The following ZNF678 variants were observed in gnomAD, a reference collection of about 807,000 sequenced individuals.
ZNF678 encodes the protein zinc finger protein 678.
Under a neutral mutation model 3.0 loss-of-function variants are expected in ZNF678, and 5 were observed. The observed-to-expected ratio is 1.69, with a 90% CI of 0.88 to 3.56. The LOEUF is 3.56. Ranked by LOEUF, ZNF678 falls within the 30% of genes most tolerant of loss-of-function variation. ZNF678 has a pLI of 0.00. For synonymous variants in ZNF678, 218 were observed against 199.6 expected (o/e 1.09, Z -0.78); for missense variants, 593 against 605.0 (o/e 0.98, Z 0.21).
At chr1:227,667,170 A>G (rs1004733391), downstream of ZNF678, among the ~76,000 whole-genome samples, 41 of 151,774 alleles carry the variant, frequency 2.7e-4, no homozygotes, top group African/African-American at 9.7e-4. Context: ...CAGCCCCCCA[A>G]GTAGCTGGGA....
chr1:227,665,717 T>C (rs1321246856), downstream of ZNF678, among the ~76,000 whole-genome samples: 2 of 152,254 alleles, frequency 1.3e-5, no homozygotes, highest in Non-Finnish European at 2.9e-5. Flanking sequence ...ATTTTGTGTA[T>C]GTAAAGCTAT....
rs1658739152 is a variant in ZNF678 at position 227,638,586 on chromosome 1, G to A, written c.-163-7958G>A. ...GGGTTGACTACAGATGGGGGATAAG[G>A]AAAAGTTGCATGTTTTAAGGTGGGA... On this transcript the variant is annotated intron_variant, in intron 1 of 3. Transcript: ENST00000343776. The surrounding 1 kb of genome is among the most constrained non-coding windows in gnomAD (Gnocchi z 4.2). 6.6e-6 allele frequency among the ~76,000 whole-genome samples: 1 copy of A among 152,138 alleles called. No homozygotes were observed. Among genetic ancestry groups the A allele is most frequent in the Admixed American group, 6.5e-5 (1 of 15,278 alleles).
intron 3 of ZNF678, among the ~76,000 whole-genome samples, chr1:227,653,646 A>G (rs999032533): frequency 3.9e-5 from 6 of 151,960 alleles, no homozygotes; most frequent in Admixed American, 3.3e-4. Context: ...CAGGCTGGAG[A>G]TTCTTATAGC....
At chr1:227,578,204 A>G (rs1657035022) in intron 1 of ZNF678, among the ~76,000 whole-genome samples, 1 of 152,134 alleles carries the variant, frequency 6.6e-6, no homozygotes, top group Non-Finnish European at 1.5e-5. Flanking sequence ...GAATCTGATG[A>G]TTATATGTCT....
intron 1 of ZNF678, among the ~76,000 whole-genome samples, chr1:227,629,375 C>A (rs1658497085): frequency 6.6e-6 from 1 of 152,240 alleles, no homozygotes; most frequent in Admixed American, 6.5e-5. Flanking sequence ...ATGGCCCCTG[C>A]TTTTGCTAGA....
chr1:227,565,003 G>A (rs1226084749), intron 1 of ZNF678, among the ~76,000 whole-genome samples: 5 of 150,600 alleles, frequency 3.3e-5, no homozygotes, highest in Non-Finnish European at 5.9e-5. Flanking sequence ...AAAGTGCTGG[G>A]ATTACAGGCG....
chr1:227,645,195 G>A (rs557990669), intron 1 of ZNF678, among the ~76,000 whole-genome samples: 17 of 152,238 alleles, frequency 1.1e-4, no homozygotes, highest in Admixed American at 2.6e-4. Context: ...CTGTGTGTAT[G>A]GTCATAGCAG....
At chr1:227,651,969 G>C (rs1233888059) in intron 3 of ZNF678, among the ~76,000 whole-genome samples, 1 of 152,136 alleles carries the variant, frequency 6.6e-6, no homozygotes, top group African/African-American at 2.4e-5. Flanking sequence ...ACAACTTGCT[G>C]ATTTTACTCT....
At chr1:227,679,091 G>C (rs1012710794), downstream of ZNF678, among the ~76,000 whole-genome samples, 1 of 147,202 alleles carries the variant, frequency 6.8e-6, no homozygotes, top group Non-Finnish European at 1.5e-5. Context: ...ACTCTCCTAT[G>C]GAAAAAAAAA....
chr1:227,639,119 C>T (rs957911870), intron 1 of ZNF678, among the ~76,000 whole-genome samples: 9 of 152,118 alleles, frequency 5.9e-5, no homozygotes, highest in South Asian at 4.1e-4. Flanking sequence ...TTGCTGGGGC[C>T]GCTCATAGTC....
chr1:227,613,428 A>C (rs1330580467), intron 1 of ZNF678, among the ~76,000 whole-genome samples: 1 of 152,156 alleles, frequency 6.6e-6, no homozygotes, highest in African/African-American at 2.4e-5. Context: ...AGGTCTCTGC[A>C]CTTCTCTTTT....
chr1:227,614,988 C>A (rs1423236667), intron 1 of ZNF678, among the ~76,000 whole-genome samples: 1 of 152,210 alleles, frequency 6.6e-6, no homozygotes, highest in East Asian at 1.9e-4. Context: ...CATTACGCAG[C>A]CTTCAGCACC....
intron 1 of ZNF678, among the ~76,000 whole-genome samples, chr1:227,611,662 A>G (rs570646515): frequency 1.2e-4 from 19 of 152,306 alleles, no homozygotes; most frequent in Admixed American, 6.5e-4. Context: ...ATAGGTTTCA[A>G]TAATAATACT....
intron 1 of ZNF678, among the ~76,000 whole-genome samples, chr1:227,600,506 T>C (rs1209036029): frequency 6.6e-6 from 1 of 152,260 alleles, no homozygotes; most frequent in Non-Finnish European, 1.5e-5. Context: ...TGAGATGATA[T>C]CTCATTGTGG....
At chr1:227,592,088 A>G (rs1657430594) in intron 1 of ZNF678, among the ~76,000 whole-genome samples, 1 of 152,186 alleles carries the variant, frequency 6.6e-6, no homozygotes, top group East Asian at 1.9e-4. Flanking sequence ...TGGGCCCACT[A>G]GAATAAACTG....
In ZNF678 at chr1:227,661,743, T is replaced by G. The variant is rs1335450348; in HGVS notation, c.*5915T>G. ...TCTTGGAAGGGACAAACATTGAGCT[T>G]CTGAACAGCTACTCCAGAAACTATG... On this transcript the variant is annotated 3_prime_UTR_variant, in exon 4 of 4. Coordinates refer to ENST00000343776, the MANE Select transcript of ZNF678 (RefSeq NM_001367909.1). The G allele has an allele frequency of 6.6e-6, 1 of 152,176 alleles. No homozygotes were observed. Among genetic ancestry groups the G allele is most frequent in the African/African-American group, 2.4e-5 (1 of 41,440 alleles). The allele number at this position is 152,176 out of a possible 1,614,324, so 9.4% of individuals were successfully genotyped here. A position where few individuals can be genotyped will look rare whatever the true frequency, so the allele number is the denominator to read the frequency against.
At chr1:227,664,083 C>T (rs769153596), downstream of ZNF678, among the ~76,000 whole-genome samples, 1 of 152,124 alleles carries the variant, frequency 6.6e-6, no homozygotes, top group Non-Finnish European at 1.5e-5. Context: ...CACGGGGACA[C>T]TTCCATTAAA....
chr1:227,609,186 AAAAAT>A (rs1263901146), intron 1 of ZNF678, among the ~76,000 whole-genome samples: 1 of 152,234 alleles, frequency 6.6e-6, no homozygotes, highest in Non-Finnish European at 1.5e-5. Context: ...TAAACATTTG[AAAAAT>A]AAAATAAAGT....
At chr1:227,573,111 A>G (rs1656896845) in intron 1 of ZNF678, among the ~76,000 whole-genome samples, 1 of 151,958 alleles carries the variant, frequency 6.6e-6, no homozygotes, top group African/African-American at 2.4e-5. Flanking sequence ...GTGCGGTGAC[A>G]AGAAGGCAAT....
Sources: gnomAD v4.1 joint callset for allele counts (sites outside exome capture counted in the v4.1 genomes callset) on GRCh38, gnomAD v4.1.1 for gene constraint, Gnocchi (gnomAD v3.1) non-coding constraint, MANE v1.5 for transcripts, NCBI Gene and HGNC (gene_info 2026-07-23, HGNC 2026-07-21) for gene names.